Variants in PUDP observed in about 807,000 individuals in gnomAD.
PUDP encodes pseudouridine-5'-phosphatase.
In PUDP, 8 loss-of-function variants were observed where a neutral mutation model predicts 9.4. That is an observed-to-expected ratio of 0.85 (90% confidence interval 0.50 to 1.53). The LOEUF (loss-of-function observed/expected upper bound fraction) is 1.53. PUDP is among the 40% of genes most tolerant of loss of function. PUDP has a pLI of 0.00. For synonymous variants in PUDP, 99 were observed against 80.7 expected, an observed-to-expected ratio of 1.23 and a Z score of -1.22; for missense variants, 188 against 189.7, an observed-to-expected ratio of 0.99 and a Z score of 0.05.
chrX:6,724,891 A>G (rs1924721835), upstream of PUDP, among the ~76,000 whole-genome samples: 1 of 111,852 alleles, frequency 8.9e-6, no homozygotes, highest in African/African-American at 3.2e-5. Flanking sequence ...AATCAACCCA[A>G]CCCTGCAGTC....
chrX:7,115,829 G>C (rs1211386069), intron 1 of PUDP, among the ~76,000 whole-genome samples: 7 of 112,502 alleles, frequency 6.2e-5, no homozygotes, highest in African/African-American at 1.6e-4. Flanking sequence ...GGCTGCAAGG[G>C]GGAGCTGGCC....
chrX:7,027,477 TGA>T (rs200887534), intron 1 of PUDP, among the ~76,000 whole-genome samples: 17 of 107,184 alleles, frequency 1.6e-4, no homozygotes, highest in African/African-American at 5.8e-4. Flanking sequence ...TGTGTGTGTG[TGA>T]GTGTATGTAT....
intron 3 of PUDP, among the ~76,000 whole-genome samples, chrX:6,883,997 C>T (rs192012669): frequency 0.015 from 1,652 of 110,920 alleles, 34 homozygotes; most frequent in African/African-American, 0.052. Context: ...CCCGCCACCA[C>T]GCCCAGCTAA....
intron 1 of PUDP, among the ~76,000 whole-genome samples, chrX:7,015,837 A>G (rs187177687): frequency 1.8e-5 from 2 of 110,593 alleles, no homozygotes; most frequent in African/African-American, 6.6e-5. Context: ...TTGGCCTCCC[A>G]AAGTGTTGAA....
intron 3 of PUDP, among the ~76,000 whole-genome samples, chrX:6,733,969 G>T (rs768895110): frequency 9.2e-6 from 1 of 108,604 alleles, no homozygotes; most frequent in Non-Finnish European, 1.9e-5. Context: ...CTAGAGACAG[G>T]GTTTCACCAT....
In PUDP at chrX:6,774,695, T is replaced by G. The variant is rs757814166; in HGVS notation, c.*248-68229A>C. Among the ~76,000 whole-genome samples the G allele has an allele frequency of 3.6e-5, 4 of 112,128 alleles. No homozygotes were observed. The South Asian group carries it at 1.1e-3, about 32-fold the overall frequency. On this transcript the variant is annotated intron_variant and NMD_transcript_variant, in intron 3 of 3. Transcript: ENST00000655425. ...TGTGGCTGGTTCATGGACACACAGT[T>G]AGCAAAGTGCTAAGAATCCAGCCAT...
In PUDP at chrX:6,988,204, G is replaced by A. The variant is rs765624099; in HGVS notation, c.205-9861C>T. 2.5e-4 allele frequency among the ~76,000 whole-genome samples: 28 copies of A among 111,690 alleles called. No homozygotes were observed. The South Asian group carries it at 6.1e-3, about 24-fold the overall frequency. ...GACAAAACTGTGAACCTGATTTCTC[G>A]AAACCCAGCGAGGTCAGGCTCCTCC... is the stretch of plus-strand genomic sequence containing the variant. On this transcript the variant is annotated intron_variant and NMD_transcript_variant, in intron 1 of 3. Transcript: ENST00000655425.
intron 2 of PUDP, among the ~76,000 whole-genome samples, chrX:7,082,361 G>T (rs1931122236): frequency 8.9e-6 from 1 of 112,574 alleles, no homozygotes; most frequent in African/African-American, 3.2e-5. Flanking sequence ...GGTCTCAGGT[G>T]TTCGTGGCAT....
At chrX:6,976,873 A>G (rs182912637) in intron 3 of PUDP, among the ~76,000 whole-genome samples, 1 of 111,987 alleles carries the variant, frequency 8.9e-6, no homozygotes, top group East Asian at 2.8e-4. Context: ...CCTGAGGTGA[A>G]ACTCCTCTCC....
intron 3 of PUDP, among the ~76,000 whole-genome samples, chrX:6,736,729 T>G (rs113967916): frequency 9.0e-6 from 1 of 111,382 alleles, no homozygotes; most frequent in Non-Finnish European, 1.9e-5. Context: ...GAGGCCATGA[T>G]CCTAAGTGAA....
intron 1 of PUDP, among the ~76,000 whole-genome samples, chrX:7,137,151 G>A (rs1315920958): frequency 9.2e-6 from 1 of 108,575 alleles, no homozygotes; most frequent in East Asian, 2.9e-4. Context: ...TAGGGCAGGA[G>A]AATTGCTTGA....
At chrX:6,884,072 C>T (rs980945266) in intron 3 of PUDP, among the ~76,000 whole-genome samples, 1 of 111,230 alleles carries the variant, frequency 9.0e-6, no homozygotes, top group South Asian at 3.8e-4. Context: ...GATCTCCTGA[C>T]GTCGTGATCC....
exon 1 of PUDP, chrX:6,721,494 G>A (rs770437756): frequency 7.1e-5 from 8 of 112,307 alleles, no homozygotes; most frequent in Non-Finnish European, 1.1e-4. Context: ...AAGAAGTCTC[G>A]CCAAAGCTGA....
At chrX:7,030,497 G>C (rs1322067631) in intron 1 of PUDP, among the ~76,000 whole-genome samples, 1 of 111,738 alleles carries the variant, frequency 8.9e-6, no homozygotes, top group Non-Finnish European at 1.9e-5. Flanking sequence ...GAATGGCATA[G>C]CACCCCACAT....
intron 2 of PUDP, among the ~76,000 whole-genome samples, chrX:7,100,207 T>C (rs746030435): frequency 3.7e-5 from 4 of 107,485 alleles, no homozygotes; most frequent in Non-Finnish European, 7.7e-5. Flanking sequence ...TTGGCCCAGG[T>C]AGTCATGTCC....
chrX:7,096,707 A>G (rs951216996), intron 2 of PUDP, among the ~76,000 whole-genome samples: 1 of 110,887 alleles, frequency 9.0e-6, no homozygotes, highest in African/African-American at 3.3e-5. Context: ...GTGGTGGCAT[A>G]TAATTGCAGT....
At chrX:6,909,809 C>T (rs1314124460) in intron 3 of PUDP, among the ~76,000 whole-genome samples, 8 of 112,426 alleles carry the variant, frequency 7.1e-5, no homozygotes, top group African/African-American at 2.6e-4. Flanking sequence ...AGTATTCAAG[C>T]TGATTGATGG....
intron 3 of PUDP, among the ~76,000 whole-genome samples, chrX:6,784,153 C>T (rs1371938534): frequency 9.0e-6 from 1 of 111,675 alleles, no homozygotes; most frequent in African/African-American, 3.3e-5. Flanking sequence ...TAAAACTAAC[C>T]ACCATGCAAA....
intron 3 of PUDP, among the ~76,000 whole-genome samples, chrX:6,752,156 C>G (rs1045952100): frequency 8.9e-6 from 1 of 111,790 alleles, no homozygotes; most frequent in Middle Eastern, 4.2e-3. Context: ...AACCCCATAT[C>G]ACTTCAAATT....
Sources: gnomAD v4.1 joint callset for allele counts (sites outside exome capture counted in the v4.1 genomes callset) on GRCh38, gnomAD v4.1.1 for gene constraint, MANE v1.5 for transcripts, NCBI Gene and HGNC (gene_info 2026-07-23, HGNC 2026-07-21) for gene names.